MAGT1: variants seen among roughly 807,000 people sequenced by gnomAD.
MAGT1 encodes dolichyl-diphosphooligosaccharide--protein glycosyltransferase subunit MAGT1.
In MAGT1, 4 loss-of-function variants were observed where a neutral mutation model predicts 28.4. The observed-to-expected ratio is 0.14, with a 90% confidence interval of 0.07 to 0.32. The LOEUF (loss-of-function observed/expected upper bound fraction) is 0.32. MAGT1 is among the 10% of genes least tolerant of loss of function. MAGT1 has a pLI of 1.00. For missense variants in MAGT1, 193 were observed against 264.5 expected (o/e 0.73, Z 1.88); for synonymous variants, 89 against 89.7 (o/e 0.99, Z 0.04).
intron 1 of MAGT1, among the ~76,000 whole-genome samples, chrX:77,881,021 C>T (rs1200542874): frequency 9.6e-6 from 1 of 104,455 alleles, no homozygotes; most frequent in Admixed American, 1.1e-4. Flanking sequence ...AACAAGACTG[C>T]GGAACAATGA....
rs2077010487 is a variant in MAGT1, at chrX:77,867,233, G to A, written c.390+3575C>T. On this transcript the variant is annotated intron_variant, in intron 3 of 9. Coordinates refer to ENST00000618282, the MANE Select transcript of MAGT1 (RefSeq NM_001367916.1). ...TTACACAGTCTCCCTCCACAGCAAA[G>A]GGGAGGCACACTTACTATCCATTAC... 3.0e-5 allele frequency among the ~76,000 whole-genome samples: 2 copies of A among 66,905 alleles called. 1 individual carries two copies. Among genetic ancestry groups the A allele is most frequent in the Non-Finnish European group, 8.1e-5 (2 of 24,741 alleles). The allele number at this position is 66,905 out of a possible 115,157, so 58.1% of individuals were successfully genotyped here.
At chrX:77,852,410 C>T (rs2076971075) in intron 7 of MAGT1, among the ~76,000 whole-genome samples, 1 of 111,511 alleles carries the variant, frequency 9.0e-6, no homozygotes, top group Non-Finnish European at 1.9e-5. Flanking sequence ...AGAATGCTTT[C>T]CTTAAAATCT....
intron 7 of MAGT1, among the ~76,000 whole-genome samples, chrX:77,844,345 CT>C (rs1420909076): frequency 1.6e-4 from 18 of 111,083 alleles, no homozygotes; most frequent in Non-Finnish European, 3.0e-4. Flanking sequence ...CTCTTTTCTT[CT>C]TTATTAGTCT....
At chrX:77,889,883 C>T (rs2077077651) in intron 1 of MAGT1, among the ~76,000 whole-genome samples, 1 of 111,824 alleles carries the variant, frequency 8.9e-6, no homozygotes. Context: ...AGGTCTTATT[C>T]ATTATGTTTT....
At chrX:77,860,198 C>T (rs575973041) in intron 3 of MAGT1, among the ~76,000 whole-genome samples, 1 of 111,502 alleles carries the variant, frequency 9.0e-6, no homozygotes, top group Non-Finnish European at 1.9e-5. Context: ...ATCCTCCTGT[C>T]TTACCCTCTC....
chrX:77,855,095 C>T (rs782320313), intron 6 of MAGT1, among the ~76,000 whole-genome samples: 2 of 111,225 alleles, frequency 1.8e-5, no homozygotes, highest in Non-Finnish European at 3.8e-5. Context: ...AGGCGCATCA[C>T]CTGAGGTAGG....
At chrX:77,861,462 G>A (rs1462654899) in intron 3 of MAGT1, among the ~76,000 whole-genome samples, 1 of 111,889 alleles carries the variant, frequency 8.9e-6, no homozygotes, top group Non-Finnish European at 1.9e-5. Flanking sequence ...AAGTAAAATG[G>A]TGAATCTGCT....
At chrX:77,836,718 AT>A (rs1365948026) in intron 8 of MAGT1, among the ~76,000 whole-genome samples, 3 of 110,496 alleles carry the variant, frequency 2.7e-5, no homozygotes, top group Admixed American at 9.8e-5. Flanking sequence ...AGCCTGGACA[AT>A]GTAGCGAGGC....
chrX:77,859,158 A>G (rs2076988500), intron 3 of MAGT1, among the ~76,000 whole-genome samples: 1 of 111,483 alleles, frequency 9.0e-6, no homozygotes. Flanking sequence ...CAGTGAGCCG[A>G]GATTGTGCCA....
At chrX:77,831,432 T>C (rs782042646) in intron 8 of MAGT1, among the ~76,000 whole-genome samples, 5 of 111,496 alleles carry the variant, frequency 4.5e-5, no homozygotes, top group African/African-American at 1.6e-4. Context: ...CCTTCCCCTT[T>C]AATTTGCTCC....
At chrX:77,851,617 G>A (rs1041937560) in intron 7 of MAGT1, among the ~76,000 whole-genome samples, 6 of 109,899 alleles carry the variant, frequency 5.5e-5, no homozygotes, top group African/African-American at 1.3e-4. Flanking sequence ...CAGGTGATCC[G>A]CCTGCCTCAG....
intron 3 of MAGT1, among the ~76,000 whole-genome samples, chrX:77,869,824 T>C (rs1212650342): frequency 1.8e-5 from 2 of 111,190 alleles, no homozygotes; most frequent in African/African-American, 6.5e-5. Flanking sequence ...GTACAACCAC[T>C]ATGGAAAACA....
intron 1 of MAGT1, among the ~76,000 whole-genome samples, chrX:77,880,618 G>A (rs1391038011): frequency 9.1e-6 from 1 of 109,989 alleles, no homozygotes; most frequent in Non-Finnish European, 1.9e-5. Flanking sequence ...ACGAAAAACC[G>A]AACACACTCT....
intron 5 of MAGT1, 29 bp downstream of exon 5, chrX:77,856,701 AAAT>A: frequency 8.4e-7 from 1 of 1,192,955 alleles, no homozygotes; most frequent in Non-Finnish European, 1.1e-6. Flanking sequence ...AATTTTATTC[AAAT>A]AATTTTTTGT....
intron 7 of MAGT1, among the ~76,000 whole-genome samples, chrX:77,850,671 C>T (rs2076965033): frequency 9.0e-6 from 1 of 111,099 alleles, no homozygotes; most frequent in African/African-American, 3.3e-5. Flanking sequence ...TTCTATATCC[C>T]AACAGGATTG....
intron 3 of MAGT1, among the ~76,000 whole-genome samples, chrX:77,869,747 A>C (rs2077015937): frequency 1.8e-5 from 2 of 111,560 alleles, no homozygotes; most frequent in Admixed American, 9.6e-5. Context: ...ACAAAAAAAA[A>C]CAAAGATGTG....
At position 77,825,879 on chromosome X, in the gene MAGT1, T is replaced by C. The variant is rs2076881926; in HGVS notation, c.*3341A>G. On this transcript the variant is annotated 3_prime_UTR_variant, in exon 10 of 10. Transcript: ENST00000618282. ...TTCAGAGAGGTTCAGGTGACACCTA[T>C]GGTCATATAGTTAGACAGAAACAGA... 8.8e-6 allele frequency among the ~76,000 whole-genome samples: 1 copy of C among 113,026 alleles called. No individual in the cohort carries two copies.
At chrX:77,834,199 C>CAT (rs1204450853) in intron 8 of MAGT1, among the ~76,000 whole-genome samples, 2 of 95,667 alleles carry the variant, frequency 2.1e-5, no homozygotes, top group African/African-American at 3.8e-5. Flanking sequence ...TATATATATG[C>CAT]ATATATATAC....
At chrX:77,831,800 C>T (rs2076899320) in intron 8 of MAGT1, among the ~76,000 whole-genome samples, 2 of 110,483 alleles carry the variant, frequency 1.8e-5, no homozygotes, top group African/African-American at 3.3e-5. Flanking sequence ...CACTACATTG[C>T]CCAGGCTGGT....
Sources: gnomAD v4.1 joint callset for allele counts (sites outside exome capture counted in the v4.1 genomes callset) on GRCh38, gnomAD v4.1.1 for gene constraint, MANE v1.5 for transcripts, NCBI Gene and HGNC (gene_info 2026-07-23, HGNC 2026-07-21) for gene names.